DRG1: variants seen among roughly 807,000 people sequenced by gnomAD.
The protein encoded by DRG1 is developmentally regulated GTP binding protein 1.
A neutral mutation model predicts 38.8 loss-of-function variants in DRG1; 19 were observed. The observed-to-expected ratio is 0.49, with a 90% CI of 0.34 to 0.72. DRG1 has a LOEUF of 0.72. DRG1 is among the 30% of genes least tolerant of loss of function. The pLI is 0.01. For missense variants in DRG1, 299 were observed against 444.8 expected, an observed-to-expected ratio of 0.67 and a Z score of 2.95; for synonymous variants, 167 against 157.5, an observed-to-expected ratio of 1.06 and a Z score of -0.45.
chr22:31,427,108 G>A lies in DRG1; in HGVS notation c.930G>A (p.Val310=), dbSNP rs186773573. ...TACCAGATTACACATCCCCAGTGGT[G>A]CTTCCTTACTCCAGGACCACAGTGG... ...GQLPDYTSPV[V]LPYSRTTVED... is the part of the protein sequence containing the mutation. Residue 310 remains valine, a synonymous_variant, in exon 8 of 9, where the codon GTG becomes GTA. Transcript: ENST00000331457. 8.7e-6 allele frequency: 14 copies of A among 1,614,068 alleles called. No homozygotes were observed. In the East Asian group the frequency reaches 2.5e-4, roughly 28 times the overall value.
chr22:31,400,943 C>CAA, intron 2 of DRG1, among the ~76,000 whole-genome samples, 200 bp downstream of exon 2: 1 of 106,070 alleles, frequency 9.4e-6, no homozygotes, highest in Middle Eastern at 5.7e-3. Context: ...ACCCCCATCT[C>CAA]AAAAAAAAAA....
chr22:31,419,733 A>G (rs948459426), intron 4 of DRG1, among the ~76,000 whole-genome samples: 1 of 152,162 alleles, frequency 6.6e-6, no homozygotes, highest in African/African-American at 2.4e-5. Flanking sequence ...TTGTACCTCA[A>G]TAAATTTGGT....
intron 1 of DRG1, 25 bp from the exon 2 acceptor site, chr22:31,400,595 T>C: frequency 6.2e-7 from 1 of 1,607,262 alleles, no homozygotes; most frequent in South Asian, 1.1e-5. Context: ...GCTTCTAATT[T>C]ATGGCTGTGA....
rs112239232 is a variant in DRG1, at chr22:31,411,157, G to GTA, written c.412+76_412+77insTA. The GTA allele has an allele frequency of 2.6e-6, 4 of 1,518,768 alleles. No individual in the cohort carries two copies. In the African/African-American group the frequency reaches 4.1e-5, roughly 16 times the overall value. The allele number at this position is 1,518,768 out of a possible 1,614,324, so 94.1% of individuals were successfully genotyped here. A position where few individuals can be genotyped will look rare whatever the true frequency, so the allele number is the denominator to read the frequency against. The stretch of plus-strand genomic sequence containing the variant: ...CTATTCTTTTAGTCAGGGACTACTT[G>GTA]GCTTGGAGATTATACCACAGTGAAG... On this transcript the variant is annotated intron_variant, in intron 4 of 8. Coordinates refer to ENST00000331457, the MANE Select transcript of DRG1 (RefSeq NM_004147.4).
chr22:31,426,975 T>C lies in DRG1; in HGVS notation c.882-85T>C, dbSNP rs537083559. On this transcript the variant is annotated intron_variant, in intron 7 of 8. Transcript: ENST00000331457. ...TAAGTTGGAGGTTGTCCTGGTCTGA[T>C]GTCAGGGGTGATGGAGGGTTGCTAT... 7.1e-5 allele frequency: 112 copies of C among 1,581,214 alleles called. 2 individuals are homozygous for C. In the South Asian group the frequency reaches 1.2e-3, roughly 17 times the overall value.
chr22:31,421,717 TAAAG>T (rs750023029), intron 5 of DRG1, among the ~76,000 whole-genome samples: 2 of 151,818 alleles, frequency 1.3e-5, no homozygotes, highest in African/African-American at 2.4e-5. Context: ...ATAAAAATAA[TAAAG>T]AAGGCATGAG....
chr22:31,433,908 T>C lies in DRG1; in HGVS notation c.1041T>C (p.Pro347=). Reference sequence around the variant, plus strand: ...GGGGTCTCTCTGTGAAACACAATCCTCAGAAAGTGGGTAAAGACCATACGT... The same window carrying C: ...GGGGTCTCTCTGTGAAACACAATCCCCAGAAAGTGGGTAAAGACCATACGT... The part of the protein sequence containing the change: ...LVWGLSVKHN[P]QKVGKDHTLE... The change falls in exon 9 of 9, where the codon CCT becomes CCC. Residue 347 remains proline, a synonymous_variant. Coordinates refer to ENST00000331457, the MANE Select transcript of DRG1 (RefSeq NM_004147.4). 6.2e-7 allele frequency: 1 copy of C among 1,614,116 alleles called. No individual in the cohort carries two copies. The highest frequency in any genetic ancestry group is 8.5e-7 in the Non-Finnish European group (1 of 1,179,982).
intron 3 of DRG1, among the ~76,000 whole-genome samples, chr22:31,408,541 A>G (rs1249506349): frequency 1.3e-5 from 2 of 151,736 alleles, no homozygotes; most frequent in African/African-American, 4.8e-5. Context: ...TGAGGTCAGG[A>G]GTTCGAGACC....
In DRG1 at chr22:31,427,101, C is replaced by T. The variant is rs1176820148; in HGVS notation, c.923C>T (p.Pro308Leu). Residue 308 changes from proline to leucine, a missense_variant, in exon 8 of 9, where the codon CCA (proline) becomes CTA (leucine). By Grantham distance (98) the Pro-to-Leu change is moderately conservative. Coordinates refer to ENST00000331457, the MANE Select transcript of DRG1 (RefSeq NM_004147.4). ...GGCCAGTTACCAGATTACACATCCC[C>T]AGTGGTGCTTCCTTACTCCAGGACC... is the stretch of plus-strand genomic sequence containing the variant. ...PKGQLPDYTS[P>L]VVLPYSRTTV... 6.2e-7 allele frequency: 1 copy of T among 1,613,934 alleles called. No homozygotes were observed. Among genetic ancestry groups the T allele is most frequent in the African/African-American group, 1.3e-5 (1 of 74,902 alleles).
chr22:31,433,272 A>AT (rs695603), intron 8 of DRG1, among the ~76,000 whole-genome samples: 41,581 of 132,518 alleles, frequency 0.31, 8,045 homozygotes, highest in East Asian at 0.82. Context: ...TTAAAGACGG[A>AT]TTTTTTTTTT....
At position 31,402,995 on chromosome 22, in the gene DRG1, ACT is replaced by A. The variant is rs2049971327; in HGVS notation, c.167-30_167-29del. ...ATGAGTCTTAACACTCTGGGGGATA[ACT>A]CTCCTCTTTTTGGTATTCATTGATG... On this transcript the variant is annotated intron_variant, in intron 2 of 8. Transcript: ENST00000331457. The A allele has an allele frequency of 3.8e-6, 6 of 1,592,196 alleles. No individual in the cohort carries two copies. The East Asian group carries it at 1.3e-4, about 36-fold the overall frequency.
At chr22:31,420,044 G>A (rs2050067527) in intron 4 of DRG1, among the ~76,000 whole-genome samples, 1 of 152,088 alleles carries the variant, frequency 6.6e-6, no homozygotes, top group African/African-American at 2.4e-5. Context: ...GTCAACTCTT[G>A]GGCAAATAGG....
At chr22:31,419,875 C>T (rs543403790) in intron 4 of DRG1, among the ~76,000 whole-genome samples, 15 of 152,214 alleles carry the variant, frequency 9.9e-5, no homozygotes, top group African/African-American at 3.1e-4. Flanking sequence ...GAGGAAACCT[C>T]GTCTCTACTA....
chr22:31,414,363 G>A (rs2050033315), intron 4 of DRG1, among the ~76,000 whole-genome samples: 1 of 152,058 alleles, frequency 6.6e-6, no homozygotes. Flanking sequence ...CTTGATCTTA[G>A]CTGAGGCGGG....
chr22:31,411,151 C>T, intron 4 of DRG1, 70 bp downstream of exon 4: 1 of 1,543,178 alleles, frequency 6.5e-7, no homozygotes, highest in South Asian at 1.1e-5. Flanking sequence ...TAGTCAGGGA[C>T]TACTTGGCTT....
chr22:31,416,920 C>T lies in DRG1; in HGVS notation c.413-3336C>T, dbSNP rs1347136786. Among the ~76,000 whole-genome samples, 3 of 147,542 alleles carry T rather than the reference C, an allele frequency of 2.0e-5. No homozygotes were observed. The South Asian group carries it at 6.5e-4, about 32-fold the overall frequency. On this transcript the variant is annotated intron_variant, in intron 4 of 8. Transcript: ENST00000331457. ...GTCTCAAAAAAAAAAAAAAAAATAGCTGGATGTGGTGGTATGCTTCTGTAG... is the reference window on the plus strand; with the variant it reads ...GTCTCAAAAAAAAAAAAAAAAATAGTTGGATGTGGTGGTATGCTTCTGTAG...
chr22:31,424,190 C>A (rs1017987718), intron 6 of DRG1, among the ~76,000 whole-genome samples: 2 of 151,512 alleles, frequency 1.3e-5, no homozygotes, highest in South Asian at 4.2e-4. Context: ...ACTCTGTCAC[C>A]CAGGCTGGAG....
rs66474618 is a variant in DRG1 at position 31,408,752 on chromosome 22, CA to C, written c.343-2237del. ...TGGGCGATAGAGCGAGACTCATTCT[CA>C]AAAAAAAAAAAAAAAAAAAAAAGAT... On this transcript the variant is annotated intron_variant, in intron 3 of 8. Transcript: ENST00000331457. Among the ~76,000 whole-genome samples, 909 of 111,422 alleles carry C rather than the reference CA, an allele frequency of 8.2e-3. 4 individuals are homozygous for C. Among genetic ancestry groups the C allele is most frequent in the African/African-American group, 0.028 (830 of 29,284 alleles). 73.1% of individuals were successfully genotyped at this position (111,422 alleles called of 152,430 possible). A position where few individuals can be genotyped will look rare whatever the true frequency, so the allele number is the denominator to read the frequency against.
chr22:31,402,323 C>T (rs1185786700), intron 2 of DRG1, among the ~76,000 whole-genome samples: 1 of 151,952 alleles, frequency 6.6e-6, no homozygotes, highest in Middle Eastern at 3.2e-3. Context: ...CCCAGTCAGT[C>T]ATACAATTTA....
Sources: gnomAD v4.1 joint callset for allele counts (sites outside exome capture counted in the v4.1 genomes callset) on GRCh38, gnomAD v4.1.1 for gene constraint, MANE v1.5 for transcripts, NCBI Gene and HGNC (gene_info 2026-07-23, HGNC 2026-07-21) for gene names.